WIPF3: variants seen among roughly 807,000 people sequenced by gnomAD.
WIPF3 encodes WAS/WASL-interacting protein family member 3.
Under a neutral mutation model 38.9 loss-of-function variants are expected in WIPF3, and 33 were observed. The observed-to-expected ratio is 0.85, with a 90% confidence interval of 0.64 to 1.14. The LOEUF is 1.14. Ranked by LOEUF, WIPF3 falls within the 50% of genes most tolerant of loss-of-function variation. The pLI is 0.00. For synonymous variants in WIPF3, 324 were observed against 269.3 expected, an observed-to-expected ratio of 1.20 and a Z score of -1.99; for missense variants, 711 against 652.5, an observed-to-expected ratio of 1.09 and a Z score of -0.98.
At position 29,904,308 on chromosome 7, in the gene WIPF3, C is replaced by T; in HGVS notation, c.1374C>T (p.Leu458=). Reference sequence around the variant, plus strand: ...CAGGCCGTACACCTGGTCCCTGGCTCCAAGCGGAAGCAGTCGGGCAGAGCT... The same window carrying T: ...CAGGCCGTACACCTGGTCCCTGGCTTCAAGCGGAAGCAGTCGGGCAGAGCT... ...IPRSRTPGPW[L]QAEAVGQSSD... Residue 458 remains leucine (L), a synonymous_variant, in exon 8 of 9, where the codon CTC becomes CTT. Transcript: ENST00000242140. 5 of 1,613,892 alleles carry T rather than the reference C, an allele frequency of 3.1e-6. No individual in the cohort carries two copies. The highest frequency in any genetic ancestry group is 4.2e-6 in the Non-Finnish European group (5 of 1,179,840).
intron 2 of WIPF3, among the ~76,000 whole-genome samples, chr7:29,870,859 A>G (rs1359527029): frequency 6.6e-6 from 1 of 151,862 alleles, no homozygotes; most frequent in Non-Finnish European, 1.5e-5. Flanking sequence ...CCAGAGGCTG[A>G]GGCAGAAGAA....
intron 6 of WIPF3, among the ~76,000 whole-genome samples, chr7:29,888,871 A>G (rs896836272): frequency 2.6e-5 from 4 of 152,196 alleles, no homozygotes; most frequent in Admixed American, 1.3e-4. Flanking sequence ...TCCATTCCCC[A>G]GTCATTCTGC....
At chr7:29,816,972 A>G (rs1285096353) in intron 1 of WIPF3, among the ~76,000 whole-genome samples, 2 of 152,218 alleles carry the variant, frequency 1.3e-5, no homozygotes, top group Non-Finnish European at 1.5e-5. Flanking sequence ...ACAAATTTAT[A>G]TTCCTACCAA....
At chr7:29,902,158 G>A (rs979673645) in intron 7 of WIPF3, among the ~76,000 whole-genome samples, 1 of 151,936 alleles carries the variant, frequency 6.6e-6, no homozygotes, top group Non-Finnish European at 1.5e-5. Context: ...GGCCTAGAAG[G>A]TCTTTCTGTA....
At chr7:29,887,208 A>G (rs890936104) in intron 5 of WIPF3, among the ~76,000 whole-genome samples, 1 of 152,242 alleles carries the variant, frequency 6.6e-6, no homozygotes, top group African/African-American at 2.4e-5. Flanking sequence ...TGGTTTGTCC[A>G]TGTTCAAAAT....
intron 1 of WIPF3, among the ~76,000 whole-genome samples, chr7:29,822,224 G>C (rs73074095): frequency 0.033 from 4,569 of 136,520 alleles, 151 homozygotes; most frequent in African/African-American, 0.091. Context: ...ACTATTTTCA[G>C]ATTTACTTGA....
rs751693550 is a variant in WIPF3 at position 29,884,507 on chromosome 7, A to C, written c.1013A>C (p.Gln338Pro). 11 of 1,560,016 alleles carry C rather than the reference A, an allele frequency of 7.1e-6. No homozygotes were observed. Among genetic ancestry groups the C allele is most frequent in the African/African-American group, 1.4e-5 (1 of 69,026 alleles). Residue 338 changes from glutamine (Q) to proline (P), a missense_variant, in exon 5 of 9, where the codon CAG becomes CCG. Coordinates refer to ENST00000242140, the MANE Select transcript of WIPF3 (RefSeq NM_001080529.3). ...TCCCCCAGCTTCCAGGCCCCACCGC[A>C]GAAGGCCGGTGCGCAGGCCTTGCCC... is the stretch of plus-strand genomic sequence containing the variant. Reference protein sequence around the residue: ...PKSPSFQAPPQKAGAQALPAP... With the variant: ...PKSPSFQAPPPKAGAQALPAP...
intron 2 of WIPF3, among the ~76,000 whole-genome samples, chr7:29,875,226 C>G (rs1461932953): frequency 6.6e-6 from 1 of 152,154 alleles, no homozygotes; most frequent in African/African-American, 2.4e-5. Flanking sequence ...ATGAAGACCA[C>G]CATCCTCCAT....
rs147811218 is a variant in WIPF3, at chr7:29,906,562, G to A, written c.1428+2200G>A. Reference sequence around the variant, plus strand: ...GGGAGACCATCTAGCAGATTAACACGCTTATTGTGGGAGTTCTAGAAGGAG... The same window carrying A: ...GGGAGACCATCTAGCAGATTAACACACTTATTGTGGGAGTTCTAGAAGGAG... On this transcript the variant is annotated intron_variant, in intron 8 of 8. Transcript: ENST00000242140. Among the ~76,000 whole-genome samples the A allele has an allele frequency of 1.3e-3, 191 of 152,146 alleles. 1 individual carries two copies. The highest frequency in any genetic ancestry group is 4.4e-3 in the African/African-American group (184 of 41,540).
At chr7:29,840,774 GAGGGAATGTATAGCCCAGGAGC>G (rs1784900354) in intron 2 of WIPF3, among the ~76,000 whole-genome samples, 1 of 152,174 alleles carries the variant, frequency 6.6e-6, no homozygotes, top group South Asian at 2.1e-4. Context: ...ACATGGGCAA[GAGGGAATGTATAGCCCAGGAGC>G]AGGGTGGGGG....
chr7:29,861,379 A>T (rs1367985070), intron 2 of WIPF3, among the ~76,000 whole-genome samples: 1 of 152,164 alleles, frequency 6.6e-6, no homozygotes, highest in African/African-American at 2.4e-5. Context: ...GACATAACAA[A>T]TATTTTCCTA....
At chr7:29,901,382 G>C (rs1786271417) in intron 7 of WIPF3, among the ~76,000 whole-genome samples, 1 of 82,818 alleles carries the variant, frequency 1.2e-5, no homozygotes, top group South Asian at 6.4e-4. Flanking sequence ...TAGCAGCAGT[G>C]ATTTTTTTTT....
chr7:29,838,680 T>A (rs1166891332), intron 2 of WIPF3, among the ~76,000 whole-genome samples: 4 of 152,124 alleles, frequency 2.6e-5, no homozygotes, highest in Non-Finnish European at 5.9e-5. Context: ...GGAAAACCGT[T>A]TGACAGCACC....
At position 29,834,771 on chromosome 7, in the gene WIPF3, C is replaced by CAGAGGCGGGGGAGGT; in HGVS notation, c.47_48insAGAGGCGGGGGAGGT (p.Pro16_Pro17insGluAlaGlyGluVal). ...CCACCTCCTCTGCCTCCACCTCCCC[C>CAGAGGCGGGGGAGGT]GCCTCTGGGGGCTCCTCCCCCTCCC... On this transcript the variant is annotated inframe_insertion, in exon 2 of 9. Transcript: ENST00000242140. 2 of 1,493,080 alleles carry CAGAGGCGGGGGAGGT rather than the reference C, an allele frequency of 1.3e-6. No homozygotes were observed. The highest frequency in any genetic ancestry group is 1.8e-6 in the Non-Finnish European group (2 of 1,116,422). 92.5% of individuals were successfully genotyped at this position (1,493,080 alleles called of 1,614,324 possible).
chr7:29,904,293 A>T lies in WIPF3; in HGVS notation c.1359A>T (p.Thr453=), dbSNP rs781382459. Residue 453 remains threonine (T), a synonymous_variant, in exon 8 of 9, where the codon ACA becomes ACT. Transcript: ENST00000242140. ...TGTTCTTTTTTCCTTCAGGCCGTAC[A>T]CCTGGTCCCTGGCTCCAAGCGGAAG... ...IYPSKIPRSR[T]PGPWLQAEAV... is the part of the protein sequence containing the mutation. 15 of 1,613,746 alleles carry T rather than the reference A, an allele frequency of 9.3e-6. No homozygotes were observed. The highest frequency in any genetic ancestry group is 1.3e-5 in the Non-Finnish European group (15 of 1,179,830).
chr7:29,886,857 A>T (rs1405963853), intron 5 of WIPF3, among the ~76,000 whole-genome samples: 3 of 152,230 alleles, frequency 2.0e-5, no homozygotes, highest in East Asian at 3.8e-4. Flanking sequence ...AAGGGCTTGC[A>T]TGTAACTTCA....
Position 29,878,370 on chromosome 7 carries a change from T to C in WIPF3, c.224-639T>C, listed in dbSNP as rs1333904327. On this transcript the variant is annotated intron_variant, in intron 3 of 8. Coordinates refer to ENST00000242140, the MANE Select transcript of WIPF3 (RefSeq NM_001080529.3). The surrounding 1 kb of genome is among the most constrained non-coding windows in gnomAD (Gnocchi z 4.0). ...TGAGTATCTTCTCGTTTTCTGTAGT[T>C]GGTAATCACACATGTCTGGAAGGCT... is the stretch of plus-strand genomic sequence containing the variant. 2.0e-5 allele frequency among the ~76,000 whole-genome samples: 3 copies of C among 152,350 alleles called. No homozygotes were observed. In the East Asian group the frequency reaches 5.8e-4, roughly 29 times the overall value.
intron 2 of WIPF3, among the ~76,000 whole-genome samples, chr7:29,862,626 A>T (rs554210844): frequency 4.6e-5 from 7 of 152,230 alleles, no homozygotes; most frequent in Non-Finnish European, 8.8e-5. Flanking sequence ...TGTGTCCGTT[A>T]ATGGGGCTCA....
intron 2 of WIPF3, among the ~76,000 whole-genome samples, chr7:29,858,355 G>A (rs1785221572): frequency 6.6e-6 from 1 of 152,108 alleles, no homozygotes; most frequent in Non-Finnish European, 1.5e-5. Context: ...TACCAAGGAG[G>A]CAGAGACCCA....
Sources: gnomAD v4.1 joint callset for allele counts (sites outside exome capture counted in the v4.1 genomes callset) on GRCh38, gnomAD v4.1.1 for gene constraint, Gnocchi (gnomAD v3.1) non-coding constraint, MANE v1.5 for transcripts, NCBI Gene and HGNC (gene_info 2026-07-23, HGNC 2026-07-21) for gene names.